Variants in SOX6 observed in about 807,000 individuals in gnomAD.
SOX6 encodes SRY-box transcription factor 6.
A neutral mutation model predicts 97.8 loss-of-function variants in SOX6; 11 were observed. The ratio of observed to expected loss-of-function variants is 0.11; its 90% confidence interval spans 0.07 to 0.19. SOX6 has a LOEUF of 0.19. Among genes scored for constraint, SOX6 ranks in the 10% least tolerant of loss-of-function variants. SOX6 has a pLI of 1.00. For synonymous variants in SOX6, 360 were observed against 371.4 expected, an observed-to-expected ratio of 0.97 and a Z score of 0.35; for missense variants, 810 against 1,039.5, an observed-to-expected ratio of 0.78 and a Z score of 3.04.
At position 16,525,028 on chromosome 11, in the gene SOX6, C is replaced by A. The variant is rs1049944258; in HGVS notation, n.610-48640G>T. On this transcript the variant is annotated intron_variant and non_coding_transcript_variant, in intron 4 of 5. Coordinates refer to the SOX6 transcript ENST00000524520. ...CACTCCATGCTCATGGGTAGGAAGA[C>A]TCAATATTGTGAAAATGGCCATACT... is the stretch of plus-strand genomic sequence containing the variant. Among the ~76,000 whole-genome samples, 230 of 152,172 alleles carry A rather than the reference C, an allele frequency of 1.5e-3. 2 individuals are homozygous for A. The highest frequency in any genetic ancestry group is 4.9e-3 in the African/African-American group (205 of 41,522).
chr11:16,530,240 A>G (rs1279614364), intron 4 of SOX6, among the ~76,000 whole-genome samples: 1 of 152,110 alleles, frequency 6.6e-6, no homozygotes, highest in Admixed American at 6.6e-5. Flanking sequence ...TAATAATTGC[A>G]TAAACCTCAT....
In SOX6 at chr11:16,541,831, T is replaced by C. The variant is rs565228593; in HGVS notation, n.610-65443A>G. The stretch of plus-strand genomic sequence containing the variant: ...AGGAAACAACAGATGCTGGAGAGGA[T>C]GTGGAAAAATAGGAATGCTTTTACA... On this transcript the variant is annotated intron_variant and non_coding_transcript_variant, in intron 4 of 5. Coordinates refer to the SOX6 transcript ENST00000524520. 2.0e-5 allele frequency among the ~76,000 whole-genome samples: 3 copies of C among 152,250 alleles called. No individual in the cohort carries two copies. The South Asian group carries it at 6.2e-4, about 32-fold the overall frequency.
chr11:16,626,873 C>CAT (rs1343687127), intron 3 of SOX6, among the ~76,000 whole-genome samples: 2 of 152,038 alleles, frequency 1.3e-5, no homozygotes, highest in African/African-American at 4.8e-5. Flanking sequence ...AGGTGTGTTA[C>CAT]CTGGGCATAC....
chr11:16,698,313 C>A (rs946569515), intron 3 of SOX6, among the ~76,000 whole-genome samples: 9 of 152,134 alleles, frequency 5.9e-5, no homozygotes, highest in Admixed American at 4.6e-4. Flanking sequence ...CCTCATGAAC[C>A]AACCTCTCCT....
At chr11:16,496,862 T>G (rs560353867) in intron 4 of SOX6, among the ~76,000 whole-genome samples, 108 of 152,326 alleles carry the variant, frequency 7.1e-4, no homozygotes, top group African/African-American at 2.6e-3. Context: ...CAAGGAGGCC[T>G]GCCTGCCTCT....
At chr11:16,555,232 A>T (rs1847737753) in intron 4 of SOX6, among the ~76,000 whole-genome samples, 1 of 151,900 alleles carries the variant, frequency 6.6e-6, no homozygotes, top group Non-Finnish European at 1.5e-5. Flanking sequence ...TAACTTATAC[A>T]TAAAAAACAT....
At chr11:16,073,116 T>C (rs892868515) in intron 9 of SOX6, among the ~76,000 whole-genome samples, 8 of 152,110 alleles carry the variant, frequency 5.3e-5, no homozygotes, top group Admixed American at 2.6e-4. Context: ...TGAATGTAAA[T>C]GGGCTAAATG....
chr11:15,989,001 G>T lies in SOX6; in HGVS notation c.1962C>A (p.Ile654=), dbSNP rs79556899. ...PDMHNSNISK[I]LGSRWKSMSN... ...TAGCTGCACTGCTGCACTCACCTAA[G>T]ATTTTGCTAATGTTGGAGTTATGCA... is the stretch of plus-strand genomic sequence containing the variant. Residue 654 remains isoleucine, a synonymous_variant, in exon 14 of 16, where the codon ATC becomes ATA. Coordinates refer to ENST00000683767, the MANE Select transcript of SOX6 (RefSeq NM_001367873.1). 3 of 1,613,886 alleles carry T rather than the reference G, an allele frequency of 1.9e-6. No homozygotes were observed. Among genetic ancestry groups the T allele is most frequent in the Non-Finnish European group, 2.5e-6 (3 of 1,179,834 alleles).
intron 1 of SOX6, among the ~76,000 whole-genome samples, chr11:16,405,532 G>T (rs1858665902): frequency 6.6e-6 from 1 of 151,968 alleles, no homozygotes; most frequent in Non-Finnish European, 1.5e-5. Flanking sequence ...AACACTCTCA[G>T]CCAGCTACTT....
intron 6 of SOX6, among the ~76,000 whole-genome samples, chr11:16,124,471 T>C (rs1396468480): frequency 6.6e-6 from 1 of 151,786 alleles, no homozygotes; most frequent in Non-Finnish European, 1.5e-5. Flanking sequence ...AGGTAGTAGG[T>C]AGAAGGTACA....
chr11:16,054,416 A>T (rs562325664), intron 10 of SOX6, among the ~76,000 whole-genome samples: 1 of 152,196 alleles, frequency 6.6e-6, no homozygotes, highest in African/African-American at 2.4e-5. Context: ...CTATTGTCAT[A>T]TCTCAATATT....
chr11:16,229,069 T>TC (rs1852770485), intron 4 of SOX6, among the ~76,000 whole-genome samples: 1 of 152,146 alleles, frequency 6.6e-6, no homozygotes, highest in Non-Finnish European at 1.5e-5. Flanking sequence ...CACTTGACTC[T>TC]CCTAGCACCT....
chr11:16,085,155 C>T (rs1848550930), intron 9 of SOX6, among the ~76,000 whole-genome samples: 1 of 152,018 alleles, frequency 6.6e-6, no homozygotes, highest in Admixed American at 6.6e-5. Context: ...CCCTATTTGG[C>T]CATGAAGAGG....
chr11:16,583,864 T>G (rs1333925587), intron 4 of SOX6, among the ~76,000 whole-genome samples: 14 of 151,582 alleles, frequency 9.2e-5, no homozygotes, highest in Admixed American at 6.6e-4. Flanking sequence ...GCTGTACTAA[T>G]GTACATTCCT....
At chr11:16,427,871 T>A (rs1859182078) in intron 1 of SOX6, among the ~76,000 whole-genome samples, 1 of 152,196 alleles carries the variant, frequency 6.6e-6, no homozygotes, top group Non-Finnish European at 1.5e-5. Flanking sequence ...GGTCAAATGG[T>A]ATTTCTAGTT....
intron 1 of SOX6, among the ~76,000 whole-genome samples, chr11:16,345,484 A>C (rs79340120): frequency 0.013 from 1,989 of 152,126 alleles, 43 homozygotes; most frequent in African/African-American, 0.045. Context: ...CCAGTTACTG[A>C]GAATGTTCTC....
chr11:16,317,636 C>T (rs1855790475), intron 3 of SOX6: 1 of 152,960 alleles, frequency 6.5e-6, no homozygotes. Context: ...AATTAAGTTA[C>T]ATGAAAAATT....
chr11:16,599,376 A>T (rs1372120380), intron 4 of SOX6, among the ~76,000 whole-genome samples: 1 of 152,218 alleles, frequency 6.6e-6, no homozygotes, highest in East Asian at 1.9e-4. Context: ...TTTCTAAAAT[A>T]TATACAGCAC....
At chr11:16,506,398 G>T (rs2133147724) in intron 4 of SOX6, among the ~76,000 whole-genome samples, 1 of 152,256 alleles carries the variant, frequency 6.6e-6, no homozygotes, top group South Asian at 2.1e-4. Context: ...TTTCCCCAAT[G>T]CCTATACCCC....
Sources: allele counts gnomAD v4.1 joint callset (sites outside exome capture counted in the v4.1 genomes callset), GRCh38; gene constraint gnomAD v4.1.1; transcripts MANE v1.5; gene names NCBI Gene and HGNC (gene_info 2026-07-23, HGNC 2026-07-21).